Variants in CFDP1 observed in about 807,000 individuals in gnomAD.
CFDP1 encodes chromatin remodeling protein CFDP1, also known as heterochromatin-stabilizing protein CFDP1.
In CFDP1, 31 loss-of-function variants were observed where a neutral mutation model predicts 40.1. That is an observed-to-expected ratio of 0.77 (90% CI 0.58 to 1.04). The LOEUF (loss-of-function observed/expected upper bound fraction) is 1.04. Among genes scored for constraint, CFDP1 ranks in the 50% least tolerant of loss-of-function variants. The probability of loss-of-function intolerance (pLI) is 0.00; values close to 1 mark genes in which losing one functional copy is unlikely to be tolerated. For missense variants in CFDP1, 423 were observed against 343.4 expected (o/e 1.23, Z -1.83); for synonymous variants, 167 against 120.0 (o/e 1.39, Z -2.56).
chr16:75,396,446 G>T (rs2078995400), intron 4 of CFDP1, among the ~76,000 whole-genome samples: 1 of 103,378 alleles, frequency 9.7e-6, no homozygotes. Flanking sequence ...GGCTGAGGCA[G>T]GAGAATTGCC....
intron 5 of CFDP1, among the ~76,000 whole-genome samples, chr16:75,369,686 A>C (rs1349659040): frequency 6.6e-6 from 1 of 152,350 alleles, no homozygotes; most frequent in South Asian, 2.1e-4. Flanking sequence ...TCTCAACAGC[A>C]GGTTAAGGAA....
Position 75,419,051 on chromosome 16 carries a change from G to A in CFDP1, c.65-4356C>T, listed in dbSNP as rs1200091850. On this transcript the variant is annotated intron_variant, in intron 1 of 6. Transcript: ENST00000283882. ...CCATCTACTGGGGAGGCTGAGGCAG[G>A]AGGATCACTTGAGCCCAGGAATTGA... 9.6e-6 allele frequency: 4 copies of A among 418,664 alleles called. No homozygotes were observed. The Admixed American group carries it at 1.0e-4, about 10-fold the overall frequency. 25.9% of individuals were successfully genotyped at this position (418,664 alleles called of 1,614,324 possible).
chr16:75,392,761 C>A (rs1490129254), intron 5 of CFDP1, among the ~76,000 whole-genome samples: 1 of 152,226 alleles, frequency 6.6e-6, no homozygotes, highest in African/African-American at 2.4e-5. Flanking sequence ...GATATTTTCT[C>A]TTAATTGATT....
At chr16:75,334,661 T>C (rs947616646) in intron 5 of CFDP1, among the ~76,000 whole-genome samples, 3 of 151,902 alleles carry the variant, frequency 2.0e-5, no homozygotes, top group African/African-American at 7.3e-5. Flanking sequence ...CCTTATGAAA[T>C]TGAAATCTAG....
chr16:75,328,471 G>A (rs1175437052), intron 5 of CFDP1, among the ~76,000 whole-genome samples: 4 of 148,736 alleles, frequency 2.7e-5, no homozygotes, highest in African/African-American at 7.4e-5. Flanking sequence ...GGTGGCAGGC[G>A]CCTGTAATCC....
intron 1 of CFDP1, among the ~76,000 whole-genome samples, chr16:75,430,723 C>T (rs247442): frequency 0.12 from 17,568 of 152,182 alleles, 1,058 homozygotes; most frequent in Non-Finnish European, 0.13. Flanking sequence ...CTCTGCCTCC[C>T]TAAGTGATAG....
chr16:75,377,533 G>A (rs1246456808), intron 5 of CFDP1, among the ~76,000 whole-genome samples: 1 of 152,048 alleles, frequency 6.6e-6, no homozygotes, highest in Non-Finnish European at 1.5e-5. Flanking sequence ...TCCAGCTGAA[G>A]TAACAAAAGA....
intron 4 of CFDP1, among the ~76,000 whole-genome samples, chr16:75,399,175 C>T (rs1361859654): frequency 6.6e-6 from 1 of 152,010 alleles, no homozygotes; most frequent in Non-Finnish European, 1.5e-5. Context: ...CCAGCCACCC[C>T]TGGAACCAAG....
At chr16:75,358,195 CAG>C (rs1567656025) in intron 5 of CFDP1, among the ~76,000 whole-genome samples, 1 of 152,036 alleles carries the variant, frequency 6.6e-6, no homozygotes, top group African/African-American at 2.4e-5. Context: ...CAAAATAGGA[CAG>C]AGACATGAAG....
At chr16:75,305,378 T>A in intron 5 of CFDP1, 196 bp from the exon 6 acceptor site, 1 of 577,744 alleles carries the variant, frequency 1.7e-6, no homozygotes, top group Non-Finnish European at 3.1e-6. Flanking sequence ...TTTTCCTGCT[T>A]AACACCACTG....
chr16:75,361,724 T>G (rs1450599705), intron 5 of CFDP1, among the ~76,000 whole-genome samples: 3 of 152,140 alleles, frequency 2.0e-5, no homozygotes, highest in Admixed American at 2.0e-4. Flanking sequence ...ACAATAGAAC[T>G]GTCAAAAGGC....
intron 1 of CFDP1, chr16:75,419,052 A>C (rs768261772): frequency 3.8e-5 from 16 of 418,812 alleles, no homozygotes; most frequent in Non-Finnish European, 6.3e-5. Context: ...CTGAGGCAGG[A>C]GGATCACTTG....
At chr16:75,408,670 G>A (rs1255395131) in intron 4 of CFDP1, among the ~76,000 whole-genome samples, 1 of 151,604 alleles carries the variant, frequency 6.6e-6, no homozygotes, top group Non-Finnish European at 1.5e-5. Context: ...CAGCCACTCG[G>A]GAGCCTGAGG....
chr16:75,313,778 T>C (rs925914698), intron 5 of CFDP1, among the ~76,000 whole-genome samples: 1 of 150,614 alleles, frequency 6.6e-6, no homozygotes, highest in Non-Finnish European at 1.5e-5. Flanking sequence ...TTGAATTACA[T>C]AAAAGAAATT....
chr16:75,420,642 A>G (rs975590067), intron 1 of CFDP1, among the ~76,000 whole-genome samples: 2 of 152,264 alleles, frequency 1.3e-5, no homozygotes, highest in African/African-American at 4.8e-5. Context: ...AAATTTGAGT[A>G]TGATCTATAT....
intron 5 of CFDP1, chr16:75,381,227 G>A (rs181960958): frequency 6.6e-6 from 1 of 152,218 alleles, no homozygotes; most frequent in African/African-American, 2.4e-5. Flanking sequence ...ACTTTCAGAG[G>A]CCAACATGGG....
chr16:75,365,634 T>G (rs1296423077), intron 5 of CFDP1, among the ~76,000 whole-genome samples: 1 of 152,150 alleles, frequency 6.6e-6, no homozygotes, highest in African/African-American at 2.4e-5. Flanking sequence ...GGAGGATCAC[T>G]TGAGGCCAGG....
intron 3 of CFDP1, among the ~76,000 whole-genome samples, 158 bp downstream of exon 3, chr16:75,412,377 T>G (rs962838097): frequency 1.2e-4 from 19 of 152,362 alleles, no homozygotes; most frequent in Non-Finnish European, 4.4e-5. Context: ...GAAACTTACA[T>G]GATTAGAGAA....
At chr16:75,389,684 G>A (rs1304254038) in intron 5 of CFDP1, among the ~76,000 whole-genome samples, 2 of 152,060 alleles carry the variant, frequency 1.3e-5, no homozygotes, top group Non-Finnish European at 2.9e-5. Context: ...AAAGTCTGTG[G>A]GAAAAAAACT....
Sources: gnomAD v4.1 joint callset for allele counts (sites outside exome capture counted in the v4.1 genomes callset) on GRCh38, gnomAD v4.1.1 for gene constraint, MANE v1.5 for transcripts, NCBI Gene and HGNC (gene_info 2026-07-23, HGNC 2026-07-21) for gene names.